GDF1: variants seen among roughly 807,000 people sequenced by gnomAD.
GDF1 encodes the protein embryonic growth/differentiation factor 1.
In GDF1, 8 loss-of-function variants were observed where a neutral mutation model predicts 7.4. The ratio of observed to expected loss-of-function variants is 1.09; its 90% CI spans 0.64 to 1.96. GDF1 has a LOEUF of 1.96. GDF1 is among the 30% of genes most tolerant of loss of function. The pLI, the probability that GDF1 is intolerant of heterozygous loss-of-function variation, is 0.00. For synonymous variants in GDF1, 311 were observed against 276.7 expected, an observed-to-expected ratio of 1.12 and a Z score of -1.23; for missense variants, 574 against 551.5, an observed-to-expected ratio of 1.04 and a Z score of -0.41.
Position 18,896,152 on chromosome 19 carries a change from C to T in GDF1, c.-1402G>A, listed in dbSNP as rs1344525184. 4 of 506,592 alleles carry T rather than the reference C, an allele frequency of 7.9e-6. No individual in the cohort carries two copies. The highest frequency in any genetic ancestry group is 6.6e-5 in the Admixed American group (1 of 15,132). The allele number at this position is 506,592 out of a possible 1,614,324, so 31.4% of individuals were successfully genotyped here. ...GAGCCGCGCGCCCCGCGTCACGCGC[C>T]GCAGCTGGGCCGGGGGCGCGCGGGC... On this transcript the variant is annotated 5_prime_UTR_variant, in exon 1 of 8. Coordinates refer to ENST00000247005, the MANE Select transcript of GDF1 (RefSeq NM_001492.6). This position sits in a 1 kb window ranked among gnomAD's most constrained non-coding sequence, Gnocchi z 5.9.
Position 18,878,486 on chromosome 19 carries a change from C to T in GDF1, c.-313+444G>A. 4.0e-6 allele frequency: 4 copies of T among 996,342 alleles called. No homozygotes were observed. Among genetic ancestry groups the T allele is most frequent in the Non-Finnish European group, 4.8e-6 (4 of 836,016 alleles). The allele number at this position is 996,342 out of a possible 1,614,324, so 61.7% of individuals were successfully genotyped here. A position where few individuals can be genotyped will look rare whatever the true frequency, so the allele number is the denominator to read the frequency against. On this transcript the variant is annotated intron_variant, in intron 6 of 7. Transcript: ENST00000247005. The surrounding 1 kb of genome is among the most constrained non-coding windows in gnomAD (Gnocchi z 4.6). ...AACTCAGAGGCCAGGATGTCTCGGC[C>T]CAGATGGAGCCTGGGTTCTCTCTGT...
At chr19:18,874,171 C>G (rs985690998) in intron 6 of GDF1, among the ~76,000 whole-genome samples, 1 of 152,176 alleles carries the variant, frequency 6.6e-6, no homozygotes, top group Non-Finnish European at 1.5e-5. Flanking sequence ...CCGGCCACTT[C>G]TGCTTTCTTG....
intron 3 of GDF1, among the ~76,000 whole-genome samples, chr19:18,881,319 A>G (rs980553625): frequency 2.6e-5 from 4 of 151,284 alleles, no homozygotes; most frequent in Non-Finnish European, 5.9e-5. Flanking sequence ...TCCCGGGTTC[A>G]AGCAATTCTC....
intron 1 of GDF1, among the ~76,000 whole-genome samples, chr19:18,894,742 A>G (rs1400263759): frequency 6.6e-6 from 1 of 152,054 alleles, no homozygotes; most frequent in African/African-American, 2.4e-5. Context: ...TCTCTCCCTC[A>G]TGTGGGTGAT....
At position 18,869,342 on chromosome 19, in the gene GDF1, G is replaced by A; in HGVS notation, c.374C>T (p.Pro125Leu). The change falls in exon 8 of 8, where the codon CCT (proline) becomes CTT (leucine). Residue 125 changes from proline (P) to leucine (L), a missense_variant. Physicochemically the swap from Pro to Leu is moderately conservative, Grantham distance 98 (BLOSUM62 -3). Transcript: ENST00000247005. ...CAGGTCGAAGACGACTGTCCACTCAGGGCAATGCCCCGCGGCCGAGGCAGG... is the reference window on the plus strand; with the variant it reads ...CAGGTCGAAGACGACTGTCCACTCAAGGCAATGCCCCGCGGCCGAGGCAGG... ...SEPASAAGHC[P>L]EWTVVFDLSA... 1 of 1,531,750 alleles carries A rather than the reference G, an allele frequency of 6.5e-7. No homozygotes were observed. The highest frequency in any genetic ancestry group is 1.2e-5 in the South Asian group (1 of 83,942). The allele number at this position is 1,531,750 out of a possible 1,614,324, so 94.9% of individuals were successfully genotyped here. A position where few individuals can be genotyped will look rare whatever the true frequency, so the allele number is the denominator to read the frequency against.
At chr19:18,875,231 C>A (rs2056039633) in intron 6 of GDF1, among the ~76,000 whole-genome samples, 2 of 139,664 alleles carry the variant, frequency 1.4e-5, no homozygotes. Flanking sequence ...GTGGGACCGT[C>A]TCTAAAAAAA....
At chr19:18,888,358 CA>C (rs909589943) in intron 2 of GDF1, among the ~76,000 whole-genome samples, 56 of 146,226 alleles carry the variant, frequency 3.8e-4, no homozygotes, top group Admixed American at 2.9e-3. Context: ...GACTCCATCT[CA>C]AAAAAAAAAT....
chr19:18,872,145 A>G (rs2055981541), intron 6 of GDF1, among the ~76,000 whole-genome samples: 1 of 152,192 alleles, frequency 6.6e-6, no homozygotes, highest in Admixed American at 6.5e-5. Context: ...CTCTAATGGT[A>G]AAGTTTAGCA....
At position 18,889,387 on chromosome 19, in the gene GDF1, A is replaced by T. The variant is rs189105903; in HGVS notation, c.-914+4029T>A. Among the ~76,000 whole-genome samples, 8 of 152,050 alleles carry T rather than the reference A, an allele frequency of 5.3e-5. No homozygotes were observed. In the East Asian group the frequency reaches 1.2e-3, roughly 22 times the overall value. On this transcript the variant is annotated intron_variant, in intron 2 of 7. Transcript: ENST00000247005. The stretch of plus-strand genomic sequence containing the variant: ...CTCCTTCCCCACAGGATAGGGGGGA[A>T]GTCCTGGCTTAGTTCAGAGGTCTCA...
chr19:18,887,424 CAG>C (rs1027149728), intron 2 of GDF1, among the ~76,000 whole-genome samples: 1 of 152,096 alleles, frequency 6.6e-6, no homozygotes, highest in Non-Finnish European at 1.5e-5. Flanking sequence ...CAGACCTAGA[CAG>C]AGGGGGTGGT....
chr19:18,868,900 C>A lies in GDF1; in HGVS notation c.816G>T (p.Leu272=), dbSNP rs1400848793. The change falls in exon 8 of 8, where the codon CTG becomes CTT. Residue 272 remains leucine (L), a synonymous_variant. Transcript: ENST00000247005. Reference sequence around the variant, plus strand: ...AGCCCACCTCGCGGAAGCTCACGTACAGCCGCCGCGCGCGACAAGCGCCCC... The same window carrying A: ...AGCCCACCTCGCGGAAGCTCACGTAAAGCCGCCGCGCGCGACAAGCGCCCC... ...GPGGACRARR[L]YVSFREVGWH... is the part of the protein sequence containing the mutation. The A allele has an allele frequency of 1.4e-6, 2 of 1,404,918 alleles. No homozygotes were observed. Among genetic ancestry groups the A allele is most frequent in the Non-Finnish European group, 1.9e-6 (2 of 1,071,150 alleles). 87.0% of individuals were successfully genotyped at this position (1,404,918 alleles called of 1,614,324 possible). A position where few individuals can be genotyped will look rare whatever the true frequency, so the allele number is the denominator to read the frequency against.
At chr19:18,892,800 A>G (rs538686209) in intron 2 of GDF1, among the ~76,000 whole-genome samples, 7 of 152,184 alleles carry the variant, frequency 4.6e-5, no homozygotes, top group African/African-American at 1.7e-4. Flanking sequence ...CTGAGCTCCA[A>G]CACGGCCAGA....
intron 2 of GDF1, among the ~76,000 whole-genome samples, chr19:18,887,529 G>C (rs2056390726): frequency 6.6e-6 from 1 of 152,192 alleles, no homozygotes; most frequent in Non-Finnish European, 1.5e-5. Context: ...TGGATCACCT[G>C]AGGTCAGGAG....
chr19:18,884,629 G>A (rs1245761037), intron 2 of GDF1, among the ~76,000 whole-genome samples: 9 of 149,942 alleles, frequency 6.0e-5, no homozygotes, highest in African/African-American at 2.2e-4. Context: ...GGATGGTCTC[G>A]ATCTCCTGAC....
At chr19:18,886,241 G>C (rs924961071) in intron 2 of GDF1, among the ~76,000 whole-genome samples, 2 of 150,066 alleles carry the variant, frequency 1.3e-5, no homozygotes, top group African/African-American at 5.1e-5. Context: ...CGCTGTCTCT[G>C]CAAAAAAATA....
intron 6 of GDF1, among the ~76,000 whole-genome samples, chr19:18,876,697 T>TTTAGA (rs1186981648): frequency 6.6e-6 from 1 of 152,084 alleles, no homozygotes; most frequent in Non-Finnish European, 1.5e-5. Flanking sequence ...ACTTTTTTAT[T>TTTAGA]TTAGATTAAT....
At chr19:18,885,500 C>T (rs1234750214) in intron 2 of GDF1, among the ~76,000 whole-genome samples, 1 of 144,024 alleles carries the variant, frequency 6.9e-6, no homozygotes, top group Non-Finnish European at 1.5e-5. Context: ...CCCAGCCCAG[C>T]GCCCCTTCTC....
chr19:18,894,340 C>A (rs575101079), intron 1 of GDF1, among the ~76,000 whole-genome samples: 1 of 152,178 alleles, frequency 6.6e-6, no homozygotes, highest in East Asian at 1.9e-4. Flanking sequence ...GCTGAGGGGG[C>A]CGGAGCCCAG....
Position 18,895,839 on chromosome 19 carries a change from A to T in GDF1, c.-1089T>A, listed in dbSNP as rs113536478. 7.8e-7 allele frequency: 1 copy of T among 1,282,678 alleles called. No individual in the cohort carries two copies. Among genetic ancestry groups the T allele is most frequent in the Non-Finnish European group, 9.9e-7 (1 of 1,013,620 alleles). 79.5% of individuals were successfully genotyped at this position (1,282,678 alleles called of 1,614,324 possible). ...CCACACTGACCCGAAAGAGGCGCGCAGTGGCCGCGGAGCGCAGGGCGGTCC... is the reference window on the plus strand; with the variant it reads ...CCACACTGACCCGAAAGAGGCGCGCTGTGGCCGCGGAGCGCAGGGCGGTCC... On this transcript the variant is annotated 5_prime_UTR_variant, in exon 1 of 8. Transcript: ENST00000247005. The surrounding 1 kb of genome is among the most constrained non-coding windows in gnomAD (Gnocchi z 6.4).
Sources: gnomAD v4.1 joint callset for allele counts (sites outside exome capture counted in the v4.1 genomes callset) on GRCh38, gnomAD v4.1.1 for gene constraint, Gnocchi (gnomAD v3.1) non-coding constraint, MANE v1.5 for transcripts, NCBI Gene and HGNC (gene_info 2026-07-23, HGNC 2026-07-21) for gene names.